Variants in MYT1L observed in about 807,000 individuals in gnomAD.
MYT1L encodes myelin transcription factor 1-like protein.
In MYT1L, 12 loss-of-function variants were observed where a neutral mutation model predicts 126.7. The observed-to-expected ratio is 0.09, with a 90% CI of 0.06 to 0.15. MYT1L has a LOEUF of 0.15. Ranked by LOEUF, MYT1L falls within the 10% of genes least tolerant of loss-of-function variation. The pLI, the probability that MYT1L is intolerant of heterozygous loss-of-function variation, is 1.00. For synonymous variants in MYT1L, 541 were observed against 604.2 expected (o/e 0.90, Z 1.53); for missense variants, 979 against 1,585.2 (o/e 0.62, Z 6.49).
At chr2:2,153,510 C>A (rs76360667) in intron 3 of MYT1L, among the ~76,000 whole-genome samples, 4 of 151,584 alleles carry the variant, frequency 2.6e-5, no homozygotes, top group African/African-American at 9.7e-5. Flanking sequence ...CATGTGGGGG[C>A]GCAGGGGCTG....
At chr2:2,188,995 A>T (rs1412990413) in intron 2 of MYT1L, among the ~76,000 whole-genome samples, 1 of 152,140 alleles carries the variant, frequency 6.6e-6, no homozygotes, top group South Asian at 2.1e-4. Flanking sequence ...CAGGGAGAGG[A>T]AATTAATTTG....
chr2:2,053,468 CAAG>C (rs1418881496), intron 4 of MYT1L, among the ~76,000 whole-genome samples: 1 of 152,098 alleles, frequency 6.6e-6, no homozygotes, highest in Non-Finnish European at 1.5e-5. Context: ...TGAAGTTTTT[CAAG>C]AAGCATGACT....
chr2:2,328,629 C>T (rs565188517), intron 1 of MYT1L, among the ~76,000 whole-genome samples: 18 of 152,284 alleles, frequency 1.2e-4, no homozygotes, highest in Middle Eastern at 3.4e-3. Flanking sequence ...GTCATGCATA[C>T]TTTCTACCTT....
Position 2,241,660 on chromosome 2 carries a change from A to G in MYT1L, c.-421+42744T>C, listed in dbSNP as rs138525277. The stretch of plus-strand genomic sequence containing the variant: ...TTGGATTTTGGTGGGAGCTGCAAGC[A>G]AGATATATGTATAGGAGCATAATTC... On this transcript the variant is annotated intron_variant, in intron 2 of 24. Transcript: ENST00000647738. Among the ~76,000 whole-genome samples, 36 of 152,318 alleles carry G rather than the reference A, an allele frequency of 2.4e-4. No homozygotes were observed. In the East Asian group the frequency reaches 6.9e-3, roughly 29 times the overall value.
intron 4 of MYT1L, among the ~76,000 whole-genome samples, chr2:2,050,117 A>T (rs1185193674): frequency 2.0e-5 from 3 of 152,144 alleles, no homozygotes; most frequent in African/African-American, 7.2e-5. Context: ...TGTAGTTTAC[A>T]TTAGGTTCAT....
chr2:2,024,965 C>T (rs143843224), intron 4 of MYT1L, among the ~76,000 whole-genome samples: 1 of 152,390 alleles, frequency 6.6e-6, no homozygotes, highest in East Asian at 1.9e-4. Flanking sequence ...GTGCCCAGGC[C>T]TGACTGTCCC....
chr2:1,816,891 C>A (rs2037746731), intron 21 of MYT1L: 1 of 152,328 alleles, frequency 6.6e-6, no homozygotes, highest in South Asian at 2.1e-4. Flanking sequence ...CGGGGTCCTG[C>A]CAGTTGGTTC....
chr2:2,158,618 A>AACACACAC (rs74164556), intron 3 of MYT1L, among the ~76,000 whole-genome samples: 1,782 of 144,342 alleles, frequency 0.012, 20 homozygotes, highest in Non-Finnish European at 0.017. Flanking sequence ...CCATGGCATA[A>AACACACAC]ACACACACAC....
chr2:2,234,833 C>A (rs1339353822), intron 2 of MYT1L, among the ~76,000 whole-genome samples: 1 of 152,184 alleles, frequency 6.6e-6, no homozygotes, highest in Non-Finnish European at 1.5e-5. Flanking sequence ...TAAACAGGCT[C>A]TGATTGCACT....
intron 1 of MYT1L, 36 bp downstream of exon 1, chr2:2,330,931 G>A (rs2096280789): frequency 2.6e-5 from 4 of 152,146 alleles, no homozygotes; most frequent in Admixed American, 1.3e-4. Context: ...TGCTCACTAA[G>A]TTCCCCGAAA....
chr2:2,298,199 A>G (rs1264330526), intron 1 of MYT1L, among the ~76,000 whole-genome samples: 1 of 152,240 alleles, frequency 6.6e-6, no homozygotes, highest in Non-Finnish European at 1.5e-5. Flanking sequence ...CACATTTCCC[A>G]GGAGCCTCAG....
intron 11 of MYT1L, among the ~76,000 whole-genome samples, chr2:1,914,632 T>C (rs2052553406): frequency 6.6e-6 from 1 of 152,128 alleles, no homozygotes; most frequent in Non-Finnish European, 1.5e-5. Flanking sequence ...AGAATACAAG[T>C]CCCGGTTCTC....
At chr2:1,981,040 T>G (rs915785443) in intron 5 of MYT1L, among the ~76,000 whole-genome samples, 1 of 151,928 alleles carries the variant, frequency 6.6e-6, no homozygotes, top group Non-Finnish European at 1.5e-5. Context: ...TGTGGCTCTA[T>G]TCGAGGCACA....
chr2:2,003,168 A>G (rs987138411), intron 4 of MYT1L, among the ~76,000 whole-genome samples: 8 of 151,764 alleles, frequency 5.3e-5, no homozygotes, highest in Non-Finnish European at 1.0e-4. Context: ...TCCCACTTAG[A>G]CTTGCTCGAT....
chr2:1,839,572 G>A (rs935620833), intron 20 of MYT1L, among the ~76,000 whole-genome samples: 1 of 152,226 alleles, frequency 6.6e-6, no homozygotes, highest in Admixed American at 6.5e-5. Flanking sequence ...TTTCCCCTGC[G>A]CAGAAGGCCT....
chr2:1,947,941 C>A (rs1476485298), intron 8 of MYT1L, among the ~76,000 whole-genome samples: 1 of 152,234 alleles, frequency 6.6e-6, no homozygotes, highest in African/African-American at 2.4e-5. Context: ...CACCACACGA[C>A]CAAGGGCGTG....
chr2:2,189,129 A>T (rs943818819), intron 2 of MYT1L, among the ~76,000 whole-genome samples: 84 of 152,268 alleles, frequency 5.5e-4, no homozygotes, highest in Middle Eastern at 3.4e-3. Context: ...CTAAAAATGA[A>T]ATTGCATCAT....
intron 21 of MYT1L, among the ~76,000 whole-genome samples, chr2:1,834,236 G>T (rs569872809): frequency 2.0e-5 from 3 of 152,198 alleles, no homozygotes; most frequent in African/African-American, 7.2e-5. Flanking sequence ...TGACGTGCCC[G>T]CGGGGGCTTT....
In MYT1L at chr2:2,228,887, A is replaced by T. The variant is rs188904108; in HGVS notation, c.-421+55517T>A. ...ATTAGCACATATTAACAATCTTTTT[A>T]AAAAATACAGGACAAGGGCAAGTTA... On this transcript the variant is annotated intron_variant, in intron 2 of 24. Transcript: ENST00000647738. The surrounding 1 kb of genome is among the most constrained non-coding windows in gnomAD (Gnocchi z 5.9). Among the ~76,000 whole-genome samples, 2,607 of 152,214 alleles carry T rather than the reference A, an allele frequency of 0.017. 69 individuals are homozygous for T. Among genetic ancestry groups the T allele is most frequent in the African/African-American group, 0.059 (2,451 of 41,486 alleles).
Sources: gnomAD v4.1 joint callset for allele counts (sites outside exome capture counted in the v4.1 genomes callset) on GRCh38, gnomAD v4.1.1 for gene constraint, Gnocchi (gnomAD v3.1) non-coding constraint, MANE v1.5 for transcripts, NCBI Gene and HGNC (gene_info 2026-07-23, HGNC 2026-07-21) for gene names.